The following HIVEP1 variants were observed in gnomAD, a reference collection of about 807,000 sequenced individuals.
The protein encoded by HIVEP1 is zinc finger protein 40.
A neutral mutation model predicts 180.0 loss-of-function variants in HIVEP1; 36 were observed. That is an observed-to-expected ratio of 0.20 (90% confidence interval 0.15 to 0.26). The LOEUF (loss-of-function observed/expected upper bound fraction) is 0.26. Among genes scored for constraint, HIVEP1 ranks in the 10% least tolerant of loss-of-function variants. The probability of loss-of-function intolerance (pLI) is 1.00; values close to 1 mark genes in which losing one functional copy is unlikely to be tolerated. For synonymous variants in HIVEP1, 1,239 were observed against 1,239.0 expected (o/e 1.00, Z 0.00); for missense variants, 3,143 against 3,268.7 (o/e 0.96, Z 0.94).
At chr6:12,128,250 G>A (rs1269692214) in intron 4 of HIVEP1, among the ~76,000 whole-genome samples, 1 of 152,190 alleles carries the variant, frequency 6.6e-6, no homozygotes, top group Non-Finnish European at 1.5e-5. Flanking sequence ...CAATCTGTTT[G>A]CCAGGAAAAG....
In HIVEP1 at chr6:12,122,690, A is replaced by T; in HGVS notation, c.2895A>T (p.Arg965Ser). ...RGTMFECETCRNRYRKLENFE... is the reference protein window; with the variant it reads ...RGTMFECETCSNRYRKLENFE... ...CAATGTTTGAGTGTGAAACTTGTAG[A>T]AACAGGTATAGGAAACTGGAAAATT... is the stretch of plus-strand genomic sequence containing the variant. Residue 965 changes from arginine to serine, a missense_variant, in exon 4 of 9, where the codon AGA becomes AGT. Arg to Ser is a moderately radical substitution (Grantham distance 110, BLOSUM62 -1). Around this residue, in one of 12 missense-constraint regions of HIVEP1, gnomAD observed 204 missense variants for 243.7 expected, o/e 0.84. Coordinates refer to ENST00000379388, the MANE Select transcript of HIVEP1 (RefSeq NM_002114.4). The T allele has an allele frequency of 1.2e-6, 2 of 1,614,220 alleles. No homozygotes were observed. The highest frequency in any genetic ancestry group is 1.7e-6 in the Non-Finnish European group (2 of 1,180,028).
intron 3 of HIVEP1, among the ~76,000 whole-genome samples, chr6:12,112,125 A>G (rs1186792675): frequency 6.6e-6 from 1 of 152,202 alleles, no homozygotes; most frequent in East Asian, 1.9e-4. Flanking sequence ...TTTTTCTGAA[A>G]AAAATCTTGC....
intron 2 of HIVEP1, among the ~76,000 whole-genome samples, chr6:12,035,860 A>C (rs551954949): frequency 6.6e-6 from 1 of 152,220 alleles, no homozygotes; most frequent in Non-Finnish European, 1.5e-5. Context: ...AGCATGACAG[A>C]TAGAAAAATA....
intron 2 of HIVEP1, among the ~76,000 whole-genome samples, chr6:12,051,028 ATATG>A (rs1438503956): frequency 2.1e-3 from 282 of 136,106 alleles, no homozygotes; most frequent in African/African-American, 8.3e-3. Context: ...ATATATATAT[ATATG>A]TATATTAAAA....
upstream of HIVEP1, chr6:12,012,214 G>T (rs944413001): frequency 1.2e-4 from 16 of 131,368 alleles, no homozygotes; most frequent in South Asian, 3.5e-3. Context: ...CGCCTCCTCC[G>T]CCCGGCGGCT....
intron 2 of HIVEP1, among the ~76,000 whole-genome samples, chr6:12,023,652 C>T (rs1458816779): frequency 1.7e-5 from 2 of 119,076 alleles, no homozygotes; most frequent in South Asian, 2.6e-4. Flanking sequence ...CATAGCAAGC[C>T]TCCTTTTTTT....
At chr6:12,090,519 C>T (rs1189302419) in intron 3 of HIVEP1, among the ~76,000 whole-genome samples, 1 of 151,962 alleles carries the variant, frequency 6.6e-6, no homozygotes, top group Non-Finnish European at 1.5e-5. Context: ...TCTGCCTTCT[C>T]CTCACCCCAC....
At chr6:12,132,890 G>T (rs902704210) in intron 6 of HIVEP1, among the ~76,000 whole-genome samples, 1 of 151,928 alleles carries the variant, frequency 6.6e-6, no homozygotes, top group African/African-American at 2.4e-5. Context: ...TACTTTTTGT[G>T]AATCTATGTA....
At chr6:12,014,075 TGTTTA>T (rs541313104) in intron 1 of HIVEP1, among the ~76,000 whole-genome samples, 141 of 152,328 alleles carry the variant, frequency 9.3e-4, no homozygotes, top group African/African-American at 3.2e-3. Context: ...GCGTCTACAA[TGTTTA>T]GTTTAGTCCT....
chr6:12,048,127 G>A (rs1770257818), intron 2 of HIVEP1, among the ~76,000 whole-genome samples: 1 of 152,178 alleles, frequency 6.6e-6, no homozygotes, highest in Admixed American at 6.5e-5. Context: ...CTGTTAAGCG[G>A]GCATCTCCAT....
intron 2 of HIVEP1, among the ~76,000 whole-genome samples, chr6:12,028,676 C>T (rs1249741055): frequency 6.6e-6 from 1 of 152,210 alleles, no homozygotes. Flanking sequence ...CTTAGTTATA[C>T]TACTGTATAC....
the HIVEP1 span, among the ~76,000 whole-genome samples, chr6:12,202,079 C>T: frequency 5.3e-5 from 8 of 152,118 alleles, no homozygotes; most frequent in Admixed American, 2.0e-4. Flanking sequence ...TGAATTAAAA[C>T]GACTTTAAAT....
At chr6:12,069,706 A>G (rs2113780141) in intron 2 of HIVEP1, among the ~76,000 whole-genome samples, 1 of 152,016 alleles carries the variant, frequency 6.6e-6, no homozygotes, top group South Asian at 2.1e-4. Flanking sequence ...CATGTACCCT[A>G]AAACTTAAAG....
At chr6:12,029,368 A>T (rs551765169) in intron 2 of HIVEP1, among the ~76,000 whole-genome samples, 19 of 152,172 alleles carry the variant, frequency 1.2e-4, no homozygotes, top group African/African-American at 4.3e-4. Flanking sequence ...TGTTGCCGCG[A>T]TTGCTTTTTC....
At chr6:12,156,971 T>G (rs1760096200) in intron 7 of HIVEP1, among the ~76,000 whole-genome samples, 1 of 152,198 alleles carries the variant, frequency 6.6e-6, no homozygotes, top group African/African-American at 2.4e-5. Context: ...TTTATTTTTT[T>G]CAGTTTCCGC....
intron 2 of HIVEP1, chr6:12,020,282 T>A (rs1768098155): frequency 2.1e-6 from 1 of 470,742 alleles, no homozygotes; most frequent in Admixed American, 2.3e-5. Flanking sequence ...CACCGACCTA[T>A]CCTTTGTGAG....
intron 3 of HIVEP1, among the ~76,000 whole-genome samples, chr6:12,107,665 A>G (rs1774525847): frequency 6.6e-6 from 1 of 152,062 alleles, no homozygotes; most frequent in Non-Finnish European, 1.5e-5. Flanking sequence ...CTTCGTGGTG[A>G]GTGTTACAGC....
chr6:12,082,524 G>A (rs1772852879), intron 2 of HIVEP1, among the ~76,000 whole-genome samples: 1 of 152,088 alleles, frequency 6.6e-6, no homozygotes, highest in Non-Finnish European at 1.5e-5. Context: ...TTCATAGAAA[G>A]CCCTATTTTT....
At chr6:12,138,613 A>G (rs1758829394) in intron 7 of HIVEP1, among the ~76,000 whole-genome samples, 1 of 151,680 alleles carries the variant, frequency 6.6e-6, no homozygotes, top group Non-Finnish European at 1.5e-5. Context: ...GTGGCCTTTG[A>G]TCTCTTCTCT....
Sources: allele counts gnomAD v4.1 joint callset (sites outside exome capture counted in the v4.1 genomes callset), GRCh38; gene constraint gnomAD v4.1.1; regional missense constraint gnomAD v4.1.1; transcripts MANE v1.5; gene names NCBI Gene and HGNC (gene_info 2026-07-23, HGNC 2026-07-21).